The following PRKCH variants were observed in gnomAD, a reference collection of about 807,000 sequenced individuals.
The protein encoded by PRKCH is protein kinase C eta type.
PRKCH carries 28 observed loss-of-function variants against 82.5 expected under a neutral mutation model. The ratio of observed to expected loss-of-function variants is 0.34; its 90% confidence interval spans 0.25 to 0.47. The LOEUF is 0.47. Ranked by LOEUF, PRKCH falls within the 20% of genes least tolerant of loss-of-function variation. The pLI is 1.00. For synonymous variants in PRKCH, 322 were observed against 327.4 expected, an observed-to-expected ratio of 0.98 and a Z score of 0.18; for missense variants, 705 against 881.8, an observed-to-expected ratio of 0.80 and a Z score of 2.54.
At chr14:61,443,066 G>A (rs1467338946) in intron 2 of PRKCH, 45 bp from the exon 3 acceptor site, 1 of 1,571,536 alleles carries the variant, frequency 6.4e-7, no homozygotes, top group South Asian at 1.1e-5. Flanking sequence ...AGGTGCGTTA[G>A]GTTCCTTACA....
intron 1 of PRKCH, among the ~76,000 whole-genome samples, chr14:61,250,211 TG>T (rs2044932308): frequency 6.6e-6 from 1 of 150,442 alleles, no homozygotes; most frequent in Non-Finnish European, 1.5e-5. Context: ...AACTCCAGCC[TG>T]GGCGATAGAG....
chr14:61,294,870 T>C (rs2045393345), intron 1 of PRKCH, among the ~76,000 whole-genome samples: 2 of 152,128 alleles, frequency 1.3e-5, no homozygotes, highest in Admixed American at 1.3e-4. Flanking sequence ...CCTATACCTA[T>C]CTTCTTTTTT....
intron 1 of PRKCH, among the ~76,000 whole-genome samples, chr14:61,232,506 C>A (rs189223108): frequency 3.3e-5 from 5 of 152,338 alleles, no homozygotes; most frequent in Admixed American, 2.6e-4. Flanking sequence ...CAGGCGTGAG[C>A]CACCGTGCCC....
intron 1 of PRKCH, among the ~76,000 whole-genome samples, chr14:61,282,900 C>T (rs2045284346): frequency 6.6e-6 from 1 of 152,080 alleles, no homozygotes; most frequent in Non-Finnish European, 1.5e-5. Context: ...ATCCAGTCTC[C>T]AGTCACCCTT....
chr14:61,533,223 T>C (rs955578677), intron 12 of PRKCH, among the ~76,000 whole-genome samples: 1 of 152,148 alleles, frequency 6.6e-6, no homozygotes, highest in Non-Finnish European at 1.5e-5. Context: ...ATTCTGTTTT[T>C]TCCTCCTTCA....
intron 1 of PRKCH, among the ~76,000 whole-genome samples, chr14:61,362,902 CAG>C (rs1165118126): frequency 6.6e-6 from 1 of 152,168 alleles, no homozygotes; most frequent in Non-Finnish European, 1.5e-5. Context: ...TGGTGTTGAA[CAG>C]GGAGCTGGGA....
rs114795039 is a variant in PRKCH at position 61,213,854 on chromosome 14, G to A, written c.-19+26186G>A. Among the ~76,000 whole-genome samples the A allele has an allele frequency of 7.8e-3, 1,195 of 152,248 alleles. 15 individuals carry two copies. Among genetic ancestry groups the A allele is most frequent in the African/African-American group, 0.028 (1,144 of 41,546 alleles). On this transcript the variant is annotated intron_variant, in intron 1 of 3. Coordinates refer to the PRKCH transcript ENST00000555185. Reference sequence around the variant, plus strand: ...TGGAGAAATGTATTCATTTAACAATGGTTTACTGAGCACCTACTATAAGCC... The same window carrying A: ...TGGAGAAATGTATTCATTTAACAATAGTTTACTGAGCACCTACTATAAGCC...
At chr14:61,254,942 G>A (rs2044984213) in intron 1 of PRKCH, among the ~76,000 whole-genome samples, 2 of 152,142 alleles carry the variant, frequency 1.3e-5, no homozygotes, top group South Asian at 4.1e-4. Context: ...CGCCTGCCAG[G>A]TTCCAGGAAG....
At chr14:61,290,876 T>C (rs1234740423) in intron 1 of PRKCH, among the ~76,000 whole-genome samples, 1 of 152,162 alleles carries the variant, frequency 6.6e-6, no homozygotes, top group Non-Finnish European at 1.5e-5. Flanking sequence ...GCCAGTTAAA[T>C]ACAGAGCCAT....
Position 61,321,673 on chromosome 14 carries a change from G to A in PRKCH, c.-429G>A, listed in dbSNP as rs1211676208. ...AAGCTCGCCGAGTGGGGGAGAGCGT[G>A]AGCCTTCGGAGGCGGGGGCAGGAGG... On this transcript the variant is annotated 5_prime_UTR_variant, in exon 1 of 14. An upstream open reading frame in the 5' UTR loses its in-frame stop. Coordinates refer to ENST00000332981, the MANE Select transcript of PRKCH (RefSeq NM_006255.5). This position sits in a 1 kb window ranked among gnomAD's most constrained non-coding sequence, Gnocchi z 4.1. 1 of 154,844 alleles carries A rather than the reference G, an allele frequency of 6.5e-6. No homozygotes were observed. Among genetic ancestry groups the A allele is most frequent in the Non-Finnish European group, 1.4e-5 (1 of 70,102 alleles). The allele number at this position is 154,844 out of a possible 1,614,324, so 9.6% of individuals were successfully genotyped here. A position where few individuals can be genotyped will look rare whatever the true frequency, so the allele number is the denominator to read the frequency against.
At chr14:61,474,184 A>G (rs566670085) in intron 9 of PRKCH, among the ~76,000 whole-genome samples, 4 of 152,148 alleles carry the variant, frequency 2.6e-5, no homozygotes, top group African/African-American at 7.2e-5. Flanking sequence ...TCAGAGTTCT[A>G]TTGGATACGG....
At chr14:61,341,774 T>C (rs1437514693) in intron 1 of PRKCH, among the ~76,000 whole-genome samples, 1 of 152,216 alleles carries the variant, frequency 6.6e-6, no homozygotes, top group Non-Finnish European at 1.5e-5. Flanking sequence ...GGGATTTGTA[T>C]TTTTCCCATG....
chr14:61,396,506 G>C (rs529750708), intron 2 of PRKCH, among the ~76,000 whole-genome samples: 1 of 152,164 alleles, frequency 6.6e-6, no homozygotes, highest in Non-Finnish European at 1.5e-5. Flanking sequence ...GAGCTCATAG[G>C]AGGGAAGGCA....
At chr14:61,501,584 G>A (rs953309440) in intron 10 of PRKCH, among the ~76,000 whole-genome samples, 1 of 151,970 alleles carries the variant, frequency 6.6e-6, no homozygotes, top group African/African-American at 2.4e-5. Flanking sequence ...ACAGGGCATG[G>A]CAATATTTCT....
chr14:61,368,436 G>A (rs1008489941), intron 1 of PRKCH, among the ~76,000 whole-genome samples: 4 of 152,046 alleles, frequency 2.6e-5, no homozygotes, highest in South Asian at 2.1e-4. Context: ...GCTTCATGCC[G>A]GGTCTTCTGC....
chr14:61,199,998 C>G (rs2044468138), intron 1 of PRKCH, among the ~76,000 whole-genome samples: 1 of 152,178 alleles, frequency 6.6e-6, no homozygotes, highest in Admixed American at 6.5e-5. Context: ...ACCCTGTAAT[C>G]ATTGCATATC....
chr14:61,550,038 A>G lies in PRKCH; in HGVS notation c.*207A>G, dbSNP rs1354890980. The G allele has an allele frequency of 1.9e-6, 1 of 526,024 alleles. No individual in the cohort carries two copies. The highest frequency in any genetic ancestry group is 3.3e-6 in the Non-Finnish European group (1 of 303,476). 32.6% of individuals were successfully genotyped at this position (526,024 alleles called of 1,614,324 possible). ...GCCATGGCACTAGAAATAGTTGATA[A>G]TGAAATGAGATTTTATGAAGTATAC... On this transcript the variant is annotated 3_prime_UTR_variant, in exon 14 of 14. Coordinates refer to ENST00000332981, the MANE Select transcript of PRKCH (RefSeq NM_006255.5).
chr14:61,481,518 G>C (rs1263071314), intron 9 of PRKCH, among the ~76,000 whole-genome samples: 1 of 152,184 alleles, frequency 6.6e-6, no homozygotes, highest in Non-Finnish European at 1.5e-5. Context: ...CTCTCAAACA[G>C]CCTCACAACT....
At chr14:61,536,142 C>A (rs939867999) in intron 12 of PRKCH, among the ~76,000 whole-genome samples, 3 of 151,862 alleles carry the variant, frequency 2.0e-5, no homozygotes, top group Non-Finnish European at 4.4e-5. Context: ...CTCTTAAATC[C>A]AGTCTCGGGT....
Sources: allele counts gnomAD v4.1 joint callset (sites outside exome capture counted in the v4.1 genomes callset), GRCh38; gene constraint gnomAD v4.1.1; non-coding constraint Gnocchi (gnomAD v3.1); transcripts MANE v1.5; gene names NCBI Gene and HGNC (gene_info 2026-07-23, HGNC 2026-07-21).